The following VGLL4 variants were observed in gnomAD, a reference collection of about 807,000 sequenced individuals.
The protein encoded by VGLL4 is vestigial like family member 4, also known as transcription cofactor vestigial-like protein 4.
VGLL4 carries 7 observed loss-of-function variants against 21.0 expected under a neutral mutation model. The observed-to-expected ratio is 0.33, with a 90% CI of 0.19 to 0.63. VGLL4 has a LOEUF of 0.63. Ranked by LOEUF, VGLL4 falls within the 20% of genes least tolerant of loss-of-function variation. The pLI is 0.78. For synonymous variants in VGLL4, 222 were observed against 173.2 expected (o/e 1.28, Z -2.21); for missense variants, 394 against 425.7 (o/e 0.93, Z 0.66).
At chr3:11,664,251 TA>T (rs1414624351) in intron 2 of VGLL4, among the ~76,000 whole-genome samples, 1 of 151,426 alleles carries the variant, frequency 6.6e-6, no homozygotes, top group Non-Finnish European at 1.5e-5. Flanking sequence ...AAGAGAAAAA[TA>T]AAAAAGAAAT....
intron 1 of VGLL4, among the ~76,000 whole-genome samples, chr3:11,606,985 G>A (rs1450192940): frequency 2.0e-5 from 3 of 152,090 alleles, no homozygotes; most frequent in Non-Finnish European, 2.9e-5. Flanking sequence ...CCACCAGAAG[G>A]AACCAACTCC....
chr3:11,582,121 C>T (rs958091956), intron 2 of VGLL4, among the ~76,000 whole-genome samples: 16 of 152,306 alleles, frequency 1.1e-4, no homozygotes, highest in South Asian at 4.1e-4. Flanking sequence ...AAGGGAGGGA[C>T]GAGAAGGAAA....
At chr3:11,668,684 C>T (rs2076161808) in intron 2 of VGLL4, among the ~76,000 whole-genome samples, 2 of 152,206 alleles carry the variant, frequency 1.3e-5, no homozygotes, top group Admixed American at 1.3e-4. Context: ...TTAATTGCCA[C>T]AATCTTCCCA....
At chr3:11,660,903 T>C (rs1388473940) in intron 2 of VGLL4, among the ~76,000 whole-genome samples, 1 of 152,184 alleles carries the variant, frequency 6.6e-6, no homozygotes, top group Admixed American at 6.5e-5. Flanking sequence ...TGAACTTTCA[T>C]TTCGGCCTTG....
intron 2 of VGLL4, among the ~76,000 whole-genome samples, chr3:11,581,984 C>G (rs1005949030): frequency 3.3e-5 from 5 of 152,214 alleles, no homozygotes; most frequent in Admixed American, 6.5e-5. Context: ...TGTGCCTTAA[C>G]CCTTCCAGCT....
Position 11,627,882 on chromosome 3 carries a change from T to C in VGLL4, c.82+15555A>G, listed in dbSNP as rs1360806663. On this transcript the variant is annotated intron_variant, in intron 1 of 4. Transcript: ENST00000430365. ...AGCATCTTGCTAGGCACTGACATTTTAAAAGGTTAAAGTACAAAAGTTACT... is the reference window on the plus strand; with the variant it reads ...AGCATCTTGCTAGGCACTGACATTTCAAAAGGTTAAAGTACAAAAGTTACT... Among the ~76,000 whole-genome samples the C allele has an allele frequency of 2.0e-5, 3 of 152,194 alleles. No homozygotes were observed. In the East Asian group the frequency reaches 5.8e-4, roughly 29 times the overall value.
intron 3 of VGLL4, among the ~76,000 whole-genome samples, chr3:11,563,308 T>C (rs185799916): frequency 1.7e-4 from 26 of 152,366 alleles, no homozygotes; most frequent in Non-Finnish European, 2.5e-4. Context: ...AGCCAGGTTC[T>C]GCCTGCACGG....
rs193085082 is a variant in VGLL4 at position 11,706,628 on chromosome 3, G to A, written c.-13-3581C>T. 4.9e-4 allele frequency among the ~76,000 whole-genome samples: 75 copies of A among 152,272 alleles called. 1 individual carries two copies. Among genetic ancestry groups the A allele is most frequent in the African/African-American group, 1.8e-3 (73 of 41,550 alleles). On this transcript the variant is annotated intron_variant, in intron 1 of 5. Coordinates refer to the VGLL4 transcript ENST00000273038. ...CGTGTGTGTTTCAAAAAGCCACTTG[G>A]AAAATTTCCTTCCCCGGTTGCCCTG...
chr3:11,575,520 C>A lies in VGLL4; in HGVS notation c.273-10501G>T, dbSNP rs1575402660. ...AAAGTGGGTCCCTCCTTTCCTTGGG[C>A]ACAATCGGTCCTCAGATCTGTGCAA... On this transcript the variant is annotated intron_variant, in intron 2 of 4. Transcript: ENST00000430365. 2.6e-5 allele frequency among the ~76,000 whole-genome samples: 4 copies of A among 152,298 alleles called. No individual in the cohort carries two copies. The East Asian group carries it at 7.7e-4, about 29-fold the overall frequency.
chr3:11,655,484 T>C (rs912321659), intron 2 of VGLL4, among the ~76,000 whole-genome samples: 6 of 152,184 alleles, frequency 3.9e-5, no homozygotes, highest in African/African-American at 1.2e-4. Flanking sequence ...TCCCATCTGC[T>C]TTACACAGAA....
chr3:11,694,502 AT>A (rs149269638), intron 2 of VGLL4, among the ~76,000 whole-genome samples: 4,303 of 152,114 alleles, frequency 0.028, 213 homozygotes, highest in East Asian at 0.18. Context: ...AGTGCCTATA[AT>A]CCCAGCTACT....
At chr3:11,661,831 C>T (rs2076044058) in intron 2 of VGLL4, among the ~76,000 whole-genome samples, 2 of 152,128 alleles carry the variant, frequency 1.3e-5, no homozygotes, top group African/African-American at 4.8e-5. Context: ...GAAACAGGAA[C>T]TCAAATAAGA....
chr3:11,573,335 GAAAGAAAGAAAGAAAGAAAGAAAGAAAGA>G (rs1223727631), intron 2 of VGLL4, among the ~76,000 whole-genome samples: 2 of 64,078 alleles, frequency 3.1e-5, no homozygotes, highest in Non-Finnish European at 6.7e-5. Flanking sequence ...AAGAAAGAAA[GAAAGAAAGAAAGAAAGAAAGAAAGAAAGA>G]AAGAAAGAAA....
intron 2 of VGLL4, among the ~76,000 whole-genome samples, chr3:11,583,235 C>T (rs1335169023): frequency 6.6e-6 from 1 of 152,202 alleles, no homozygotes; most frequent in Non-Finnish European, 1.5e-5. Context: ...AAACTCTGAT[C>T]AACCAGATAT....
chr3:11,565,851 G>A lies in VGLL4; in HGVS notation c.273-832C>T, dbSNP rs1209653185. Among the ~76,000 whole-genome samples, 1 of 152,150 alleles carries A rather than the reference G, an allele frequency of 6.6e-6. No individual in the cohort carries two copies. Among genetic ancestry groups the A allele is most frequent in the Non-Finnish European group, 1.5e-5 (1 of 68,028 alleles). On this transcript the variant is annotated intron_variant, in intron 2 of 4. Transcript: ENST00000430365. This position sits in a 1 kb window ranked among gnomAD's most constrained non-coding sequence, Gnocchi z 4.1. ...CACCAACCCCACACAGGTAAGCCAT[G>A]GCCAGCCCTGGTCCACCCTCCCTGC...
chr3:11,589,506 T>C (rs1199108623), intron 2 of VGLL4, among the ~76,000 whole-genome samples: 1 of 152,170 alleles, frequency 6.6e-6, no homozygotes, highest in Non-Finnish European at 1.5e-5. Flanking sequence ...TAAGAGAATT[T>C]TGGAACCAAA....
chr3:11,579,367 G>A (rs188243640), intron 2 of VGLL4, among the ~76,000 whole-genome samples: 4 of 152,122 alleles, frequency 2.6e-5, no homozygotes, highest in East Asian at 1.9e-4. Flanking sequence ...GAGTTCCCAC[G>A]GGAAAAAAAC....
At chr3:11,691,983 G>GAAA (rs36035876) in intron 2 of VGLL4, among the ~76,000 whole-genome samples, 40 of 105,678 alleles carry the variant, frequency 3.8e-4, no homozygotes, top group Admixed American at 6.8e-4. Flanking sequence ...TGCACCAAAT[G>GAAA]AAAAAAAAAA....
chr3:11,640,259 C>T (rs1053292920), intron 1 of VGLL4, among the ~76,000 whole-genome samples: 1 of 152,132 alleles, frequency 6.6e-6, no homozygotes, highest in Non-Finnish European at 1.5e-5. Context: ...AGGGATGCAG[C>T]GGTCACCAAG....
Sources: gnomAD v4.1 joint callset for allele counts (sites outside exome capture counted in the v4.1 genomes callset) on GRCh38, gnomAD v4.1.1 for gene constraint, Gnocchi (gnomAD v3.1) non-coding constraint, MANE v1.5 for transcripts, NCBI Gene and HGNC (gene_info 2026-07-23, HGNC 2026-07-21) for gene names.